Variants in KCNIP3 observed in about 807,000 individuals in gnomAD.
The protein encoded by KCNIP3 is potassium voltage-gated channel interacting protein 3, also known as calsenilin.
A neutral mutation model predicts 35.0 loss-of-function variants in KCNIP3; 28 were observed. The ratio of observed to expected loss-of-function variants is 0.80; its 90% confidence interval spans 0.59 to 1.10. The LOEUF is 1.10. Ranked by LOEUF, KCNIP3 falls within the 50% of genes least tolerant of loss-of-function variation. The pLI is 0.00. For synonymous variants in KCNIP3, 134 were observed against 133.8 expected (o/e 1.00, Z -0.01); for missense variants, 295 against 338.4 (o/e 0.87, Z 1.01).
At chr2:95,380,968 C>T (rs544635730) in intron 5 of KCNIP3, among the ~76,000 whole-genome samples, 28 of 152,278 alleles carry the variant, frequency 1.8e-4, no homozygotes, top group South Asian at 1.7e-3. Flanking sequence ...GCCATGATGG[C>T]GACTGGTGAC....
chr2:95,355,100 A>G (rs1239163077), intron 2 of KCNIP3: 6 of 152,278 alleles, frequency 3.9e-5, no homozygotes, highest in African/African-American at 4.8e-5. Context: ...ACCTTTCTGA[A>G]CACCGGCACA....
chr2:95,375,304 A>G, intron 5 of KCNIP3, 96 bp downstream of exon 5: 1 of 1,162,150 alleles, frequency 8.6e-7, no homozygotes, highest in Non-Finnish European at 1.3e-6. Context: ...CGAGAGAGCC[A>G]TGGTCCTGGG....
chr2:95,381,605 G>T lies in KCNIP3; in HGVS notation c.457G>T (p.Val153Phe), dbSNP rs141755482. ...NGAIHFEDFV[V>F]GLSILLRGTV... ...TCTCCTTTCCCCATAGGACTTTGTG[G>T]TTGGCCTCTCCATCCTGCTGCGGGG... Residue 153 changes from valine (V) to phenylalanine (F), a missense_variant, in exon 6 of 9, where the codon GTT becomes TTT. Val to Phe is a conservative substitution (Grantham distance 50). Coordinates refer to ENST00000295225, the MANE Select transcript of KCNIP3 (RefSeq NM_013434.5). 81 of 1,613,670 alleles carry T rather than the reference G, an allele frequency of 5.0e-5. No homozygotes were observed. In the African/African-American group the frequency reaches 1.0e-3, roughly 21 times the overall value.
intron 1 of KCNIP3, among the ~76,000 whole-genome samples, chr2:95,302,498 G>A (rs561320621): frequency 2.0e-4 from 31 of 152,200 alleles, no homozygotes; most frequent in Non-Finnish European, 3.1e-4. Flanking sequence ...AGCTGAGAGC[G>A]GCACATTGGG....
rs555387847 is a variant in KCNIP3, at chr2:95,384,409, G to A, written c.*360G>A. 329 of 318,386 alleles carry A rather than the reference G, an allele frequency of 1.0e-3. 1 individual carries two copies. The highest frequency in any genetic ancestry group is 4.5e-3 in the Middle Eastern group (5 of 1,118). The allele number at this position is 318,386 out of a possible 1,614,324, so 19.7% of individuals were successfully genotyped here. On this transcript the variant is annotated 3_prime_UTR_variant, in exon 9 of 9. Coordinates refer to ENST00000295225, the MANE Select transcript of KCNIP3 (RefSeq NM_013434.5). Reference sequence around the variant, plus strand: ...GGCTCGAGTGCCCCTGCAGGGGAGGGTCCAATCTCCGGTGTGAGCCCACCT... The same window carrying A: ...GGCTCGAGTGCCCCTGCAGGGGAGGATCCAATCTCCGGTGTGAGCCCACCT...
chr2:95,320,736 C>T (rs939766890), intron 2 of KCNIP3, among the ~76,000 whole-genome samples: 7 of 152,138 alleles, frequency 4.6e-5, no homozygotes, highest in Non-Finnish European at 7.4e-5. Context: ...GGCCCTGCAT[C>T]CCCCAAACTC....
chr2:95,325,859 AC>A (rs1458395330), intron 2 of KCNIP3, among the ~76,000 whole-genome samples: 1 of 9,610 alleles, frequency 1.0e-4, no homozygotes, highest in African/African-American at 1.1e-3. Context: ...ACATACACTC[AC>A]AGGCACACAT....
At position 95,310,343 on chromosome 2, in the gene KCNIP3, T is replaced by C; in HGVS notation, c.16-12T>C. ...CAGGGGCTCAGGGCTGCTCTGCCTG[T>C]TCCTACTGCAGGAAGTGACAAAGGC... On this transcript the variant is annotated splice_polypyrimidine_tract_variant and intron_variant, in intron 1 of 8. Transcript: ENST00000295225. 6.2e-7 allele frequency: 1 copy of C among 1,612,170 alleles called. No homozygotes were observed.
At chr2:95,364,510 C>G (rs1335135376) in intron 2 of KCNIP3, among the ~76,000 whole-genome samples, 1 of 152,164 alleles carries the variant, frequency 6.6e-6, no homozygotes, top group East Asian at 1.9e-4. Context: ...AAATGAATCC[C>G]CAATGTTGGA....
intron 2 of KCNIP3, among the ~76,000 whole-genome samples, chr2:95,346,490 G>A (rs1679368168): frequency 6.7e-6 from 1 of 149,796 alleles, no homozygotes; most frequent in African/African-American, 2.4e-5. Context: ...GCAGGCGCGG[G>A]GGGGCCGCAG....
intron 1 of KCNIP3, among the ~76,000 whole-genome samples, chr2:95,302,630 C>T (rs1446031480): frequency 6.6e-6 from 1 of 152,232 alleles, no homozygotes; most frequent in Non-Finnish European, 1.5e-5. Context: ...CCCCTTAACC[C>T]TGTGAGGGCA....
At position 95,384,205 on chromosome 2, in the gene KCNIP3, C is replaced by G. The variant is rs1370822158; in HGVS notation, c.*156C>G. The G allele has an allele frequency of 6.1e-6, 4 of 651,344 alleles. No individual in the cohort carries two copies. The highest frequency in any genetic ancestry group is 1.8e-5 in the South Asian group (1 of 54,752). 40.3% of individuals were successfully genotyped at this position (651,344 alleles called of 1,614,324 possible). A position where few individuals can be genotyped will look rare whatever the true frequency, so the allele number is the denominator to read the frequency against. On this transcript the variant is annotated 3_prime_UTR_variant, in exon 9 of 9. Coordinates refer to ENST00000295225, the MANE Select transcript of KCNIP3 (RefSeq NM_013434.5). ...ACACACACACACACACACACACACA[C>G]AGCCATTCATCTGGGCTGGCAGAGG...
At chr2:95,357,528 C>T (rs1162960780) in intron 2 of KCNIP3, among the ~76,000 whole-genome samples, 3 of 152,230 alleles carry the variant, frequency 2.0e-5, no homozygotes, top group South Asian at 2.1e-4. Context: ...ACCCCTGGGG[C>T]GGTGGTTAGG....
chr2:95,379,556 G>A (rs769206494), intron 5 of KCNIP3, among the ~76,000 whole-genome samples: 1 of 152,228 alleles, frequency 6.6e-6, no homozygotes, highest in Admixed American at 6.5e-5. Flanking sequence ...CTCTCTGTGT[G>A]TTCAGGGGCT....
chr2:95,359,666 C>A (rs1447037464), intron 2 of KCNIP3, among the ~76,000 whole-genome samples: 1 of 152,242 alleles, frequency 6.6e-6, no homozygotes, highest in Non-Finnish European at 1.5e-5. Context: ...TCTGCCTGGA[C>A]CCCCAGTCTG....
At chr2:95,348,553 A>G (rs548449768) in intron 2 of KCNIP3, among the ~76,000 whole-genome samples, 3 of 152,208 alleles carry the variant, frequency 2.0e-5, no homozygotes, top group Admixed American at 6.5e-5. Flanking sequence ...AGCCAGCCTC[A>G]CTTCACTTAG....
rs1480512950 is a variant in KCNIP3 at position 95,379,977 on chromosome 2, C to T, written c.448-1619C>T. On this transcript the variant is annotated intron_variant, in intron 5 of 8. Coordinates refer to ENST00000295225, the MANE Select transcript of KCNIP3 (RefSeq NM_013434.5). ...AATCTCTGCTTCCATTCTGGGAAAT[C>T]GTCTTTCCTGATTGCTCCTACCCAC... Among the ~76,000 whole-genome samples the T allele has an allele frequency of 8.5e-5, 13 of 152,178 alleles. No homozygotes were observed. The South Asian group carries it at 1.0e-3, about 12-fold the overall frequency.
chr2:95,361,842 G>T (rs1184063035), intron 2 of KCNIP3, among the ~76,000 whole-genome samples: 4 of 152,212 alleles, frequency 2.6e-5, no homozygotes, highest in African/African-American at 4.8e-5. Context: ...CGGTCACCCT[G>T]TAGAGGGAGA....
rs1442980667 is a variant in KCNIP3, at chr2:95,385,654, T to TGG, written c.*1609_*1610dup. 6.5e-6 allele frequency: 1 copy of TGG among 152,816 alleles called. No individual in the cohort carries two copies. Among genetic ancestry groups the TGG allele is most frequent in the Non-Finnish European group, 1.5e-5 (1 of 68,222 alleles). 9.5% of individuals were successfully genotyped at this position (152,816 alleles called of 1,614,324 possible). A position where few individuals can be genotyped will look rare whatever the true frequency, so the allele number is the denominator to read the frequency against. On this transcript the variant is annotated 3_prime_UTR_variant, in exon 9 of 9. Coordinates refer to ENST00000295225, the MANE Select transcript of KCNIP3 (RefSeq NM_013434.5). ...AGGAAAGGCAGTATGGCGGAGGCCA[T>TGG]GGGGGCCCCTCGGCATTCACACACA...
Sources: allele counts gnomAD v4.1 joint callset (sites outside exome capture counted in the v4.1 genomes callset), GRCh38; gene constraint gnomAD v4.1.1; transcripts MANE v1.5; gene names NCBI Gene and HGNC (gene_info 2026-07-23, HGNC 2026-07-21).